RFPL1: variants seen among roughly 807,000 people sequenced by gnomAD.
RFPL1 encodes ret finger protein like 1, also known as ret finger protein-like 1.
In RFPL1, 6 loss-of-function variants were observed where a neutral mutation model predicts 9.6. That is an observed-to-expected ratio of 0.62 (90% confidence interval 0.34 to 1.23). The LOEUF (loss-of-function observed/expected upper bound fraction) is 1.23, where lower values mean the gene tolerates loss of function less well. Among genes scored for constraint, RFPL1 ranks in the 50% most tolerant of loss-of-function variants. The pLI, the probability that RFPL1 is intolerant of heterozygous loss-of-function variation, is 0.03. For missense variants in RFPL1, 352 were observed against 398.4 expected (o/e 0.88, Z 0.99); for synonymous variants, 145 against 149.4 (o/e 0.97, Z 0.22).
chr22:29,410,134 G>A, the RFPL1 span, among the ~76,000 whole-genome samples: 2 of 149,822 alleles, frequency 1.3e-5, no homozygotes, highest in Non-Finnish European at 3.0e-5. Flanking sequence ...ACAGGGCCCA[G>A]CATGATCTAA....
chr22:29,402,473 G>C, the RFPL1 span, among the ~76,000 whole-genome samples: 1 of 152,206 alleles, frequency 6.6e-6, no homozygotes, highest in Admixed American at 6.5e-5. Flanking sequence ...GAACTGGGAA[G>C]GATGAGTTCA....
At chr22:29,435,445 A>C (rs1229248420), upstream of RFPL1, among the ~76,000 whole-genome samples, 1 of 152,260 alleles carries the variant, frequency 6.6e-6, no homozygotes, top group Non-Finnish European at 1.5e-5. Context: ...GTTTTGGCAG[A>C]AAGTTTTTCT....
At chr22:29,439,284 T>G in intron 1 of RFPL1, 120 bp downstream of exon 1, 1 of 1,338,862 alleles carries the variant, frequency 7.5e-7, no homozygotes, top group Non-Finnish European at 1.0e-6. Context: ...ATTGAGATGC[T>G]TCTTCATCAT....
the RFPL1 span, among the ~76,000 whole-genome samples, chr22:29,430,144 G>A: frequency 2.1e-5 from 3 of 140,326 alleles, no homozygotes; most frequent in Non-Finnish European, 3.3e-5. Flanking sequence ...TATTTTAATT[G>A]GCAAAATGTT....
chr22:29,394,380 T>A, the RFPL1 span, among the ~76,000 whole-genome samples: 4 of 152,054 alleles, frequency 2.6e-5, no homozygotes, highest in African/African-American at 4.8e-5. Flanking sequence ...TCTCGCTGTG[T>A]CGTCCAGGCT....
the RFPL1 span, among the ~76,000 whole-genome samples, chr22:29,416,150 A>G: frequency 6.6e-6 from 1 of 152,352 alleles, no homozygotes; most frequent in Non-Finnish European, 1.5e-5. Context: ...GCTCATTCCC[A>G]TTCCTGGGCC....
chr22:29,420,638 T>G, the RFPL1 span, among the ~76,000 whole-genome samples: 77 of 129,726 alleles, frequency 5.9e-4, 1 homozygote, highest in African/African-American at 2.2e-3. Context: ...TTTTTGCTTT[T>G]TTTTTTTTTT....
upstream of RFPL1, among the ~76,000 whole-genome samples, chr22:29,435,303 T>C (rs1409545605): frequency 6.6e-6 from 1 of 152,226 alleles, no homozygotes; most frequent in Non-Finnish European, 1.5e-5. Flanking sequence ...GCTGTCTCAT[T>C]GACATCACAT....
At chr22:29,406,863 C>A in the RFPL1 span, among the ~76,000 whole-genome samples, 2 of 152,150 alleles carry the variant, frequency 1.3e-5, no homozygotes, top group South Asian at 4.1e-4. Flanking sequence ...GGGATTTGGC[C>A]TCTAGAAAAT....
the RFPL1 span, among the ~76,000 whole-genome samples, chr22:29,400,380 C>G: frequency 6.6e-6 from 1 of 152,154 alleles, no homozygotes; most frequent in Non-Finnish European, 1.5e-5. Flanking sequence ...ATTCAGAGAG[C>G]TGGTCATGAA....
chr22:29,401,167 T>A, the RFPL1 span, among the ~76,000 whole-genome samples: 2 of 152,256 alleles, frequency 1.3e-5, 1 homozygote, highest in South Asian at 4.1e-4. Context: ...GACAATAGAA[T>A]TTAAATGTTG....
the RFPL1 span, among the ~76,000 whole-genome samples, chr22:29,420,755 C>T: frequency 3.3e-5 from 5 of 150,894 alleles, no homozygotes; most frequent in Non-Finnish European, 7.4e-5. Context: ...ATTCTCCTGC[C>T]TCAACCTCCC....
chr22:29,410,191 C>T, the RFPL1 span, among the ~76,000 whole-genome samples: 3 of 140,166 alleles, frequency 2.1e-5, no homozygotes, highest in African/African-American at 8.0e-5. Context: ...AGGAGAGACG[C>T]GAAGATTACC....
the RFPL1 span, among the ~76,000 whole-genome samples, chr22:29,427,147 G>C: frequency 1.3e-5 from 2 of 152,368 alleles, no homozygotes; most frequent in Admixed American, 1.3e-4. Flanking sequence ...TGGCCACCCA[G>C]CAGCTCTGGT....
At chr22:29,400,789 A>G in the RFPL1 span, among the ~76,000 whole-genome samples, 1 of 152,152 alleles carries the variant, frequency 6.6e-6, no homozygotes, top group Non-Finnish European at 1.5e-5. Context: ...CACATCCTCA[A>G]TCACTGAGTT....
At chr22:29,388,797 G>T in the RFPL1 span, among the ~76,000 whole-genome samples, 1 of 152,076 alleles carries the variant, frequency 6.6e-6, no homozygotes, top group African/African-American at 2.4e-5. Context: ...GTCGTAGGGA[G>T]TTTGAAGTCC....
At chr22:29,392,214 G>A in the RFPL1 span, among the ~76,000 whole-genome samples, 1 of 151,402 alleles carries the variant, frequency 6.6e-6, no homozygotes, top group South Asian at 2.1e-4. Context: ...CGAGTCGCTG[G>A]GATTACAGGC....
At chr22:29,433,027 G>C in the RFPL1 span, 1 of 152,196 alleles carries the variant, frequency 6.6e-6, no homozygotes, top group African/African-American at 2.4e-5. Context: ...AGGCACATTG[G>C]CTCACGCCTG....
the RFPL1 span, chr22:29,388,656 G>A: frequency 6.6e-6 from 1 of 152,364 alleles, no homozygotes. Context: ...CCCGTGGGGC[G>A]GGGCAAGAAA....
Sources: allele counts gnomAD v4.1 joint callset (sites outside exome capture counted in the v4.1 genomes callset), GRCh38; gene constraint gnomAD v4.1.1; transcripts MANE v1.5; gene names NCBI Gene and HGNC (gene_info 2026-07-23, HGNC 2026-07-21).